THSD4: variants seen among roughly 807,000 people sequenced by gnomAD.
THSD4 encodes the protein thrombospondin type-1 domain-containing protein 4.
In THSD4, 69 loss-of-function variants were observed where a neutral mutation model predicts 119.0. The ratio of observed to expected loss-of-function variants is 0.58; its 90% CI spans 0.48 to 0.71. The LOEUF is 0.71. THSD4 is among the 30% of genes least tolerant of loss of function. THSD4 has a pLI of 0.00. For missense variants in THSD4, 1,393 were observed against 1,391.1 expected (o/e 1.00, Z -0.02); for synonymous variants, 524 against 540.4 (o/e 0.97, Z 0.42).
intron 8 of THSD4, among the ~76,000 whole-genome samples, chr15:71,714,612 G>A (rs1284930997): frequency 1.4e-5 from 2 of 145,862 alleles, no homozygotes; most frequent in Admixed American, 6.9e-5. Flanking sequence ...TTGGGAGGCC[G>A]AGTGGGGGTG....
At chr15:71,588,360 A>T (rs917536072) in intron 7 of THSD4, among the ~76,000 whole-genome samples, 1 of 151,318 alleles carries the variant, frequency 6.6e-6, no homozygotes, top group African/African-American at 2.4e-5. Context: ...ACAGCTGAAG[A>T]TTAGGAGGAA....
At chr15:71,181,659 G>C (rs1358579268) in intron 3 of THSD4, among the ~76,000 whole-genome samples, 2 of 152,212 alleles carry the variant, frequency 1.3e-5, no homozygotes, top group Non-Finnish European at 2.9e-5. Context: ...GCCATCCCCA[G>C]CTTTGGCTGA....
At chr15:71,724,396 C>T (rs2141119541) in intron 8 of THSD4, among the ~76,000 whole-genome samples, 1 of 150,976 alleles carries the variant, frequency 6.6e-6, no homozygotes, top group Middle Eastern at 3.4e-3. Context: ...CGCCATTCTC[C>T]TGCCTCAGCC....
intron 1 of THSD4, among the ~76,000 whole-genome samples, chr15:71,105,431 C>A (rs1446151472): frequency 6.6e-6 from 1 of 152,186 alleles, no homozygotes. Flanking sequence ...AATTTCCTCC[C>A]ATCCCATTCC....
chr15:71,249,243 CAA>C (rs1363895971), intron 5 of THSD4, among the ~76,000 whole-genome samples: 2 of 151,958 alleles, frequency 1.3e-5, no homozygotes, highest in African/African-American at 2.4e-5. Context: ...TATATACACA[CAA>C]ATATATACAC....
chr15:71,489,019 G>A (rs181876672), intron 7 of THSD4, among the ~76,000 whole-genome samples: 13 of 152,198 alleles, frequency 8.5e-5, no homozygotes, highest in East Asian at 5.8e-4. Flanking sequence ...AGAGGGTCCC[G>A]CCAGTCCCTT....
chr15:71,679,237 TA>T (rs1328971521), intron 8 of THSD4, among the ~76,000 whole-genome samples: 1 of 152,186 alleles, frequency 6.6e-6, no homozygotes, highest in Non-Finnish European at 1.5e-5. Context: ...AAATTAACTC[TA>T]ATAGGATAAT....
chr15:71,510,035 G>A (rs1472895738), intron 7 of THSD4, among the ~76,000 whole-genome samples: 1 of 152,182 alleles, frequency 6.6e-6, no homozygotes, highest in Non-Finnish European at 1.5e-5. Context: ...AGCTTTTCAT[G>A]CTGGAACGAA....
chr15:71,396,001 T>C (rs2046449780), intron 6 of THSD4, among the ~76,000 whole-genome samples: 1 of 150,254 alleles, frequency 6.7e-6, no homozygotes, highest in Non-Finnish European at 1.5e-5. Context: ...GCGTCGGGAT[T>C]CGCTGAGTGG....
intron 7 of THSD4, among the ~76,000 whole-genome samples, chr15:71,438,006 T>C (rs1042125420): frequency 2.6e-5 from 4 of 152,230 alleles, no homozygotes; most frequent in African/African-American, 7.2e-5. Context: ...TAGGATGAAG[T>C]GAGTGCAGTG....
Position 71,687,773 on chromosome 15 carries a change from C to A in THSD4, c.1357+27039C>A, listed in dbSNP as rs28687107. Reference sequence around the variant, plus strand: ...TCTGTCTCAAAAAAAAAAAAAAAAACAAACCAGCACCTCAGAAATTCATCT... The same window carrying A: ...TCTGTCTCAAAAAAAAAAAAAAAAAAAAACCAGCACCTCAGAAATTCATCT... On this transcript the variant is annotated intron_variant, in intron 8 of 17. Transcript: ENST00000261862. Among the ~76,000 whole-genome samples, 147 of 144,474 alleles carry A rather than the reference C, an allele frequency of 1.0e-3. 4 individuals are homozygous for A. Among genetic ancestry groups the A allele is most frequent in the Middle Eastern group, 7.4e-3 (2 of 272 alleles). 94.8% of individuals were successfully genotyped at this position (144,474 alleles called of 152,430 possible). A position where few individuals can be genotyped will look rare whatever the true frequency, so the allele number is the denominator to read the frequency against.
intron 7 of THSD4, among the ~76,000 whole-genome samples, chr15:71,589,481 A>G (rs2049754948): frequency 7.2e-6 from 1 of 138,108 alleles, no homozygotes; most frequent in Non-Finnish European, 1.6e-5. Flanking sequence ...TCAGCCTTCC[A>G]AGTAGCTGGA....
At chr15:71,473,818 TGGAA>T (rs2047618824) in intron 7 of THSD4, among the ~76,000 whole-genome samples, 1 of 152,184 alleles carries the variant, frequency 6.6e-6, no homozygotes, top group Admixed American at 6.5e-5. Context: ...CCACCATCAG[TGGAA>T]GGTTCTCACC....
At chr15:71,209,610 G>A (rs566062321) in intron 3 of THSD4, among the ~76,000 whole-genome samples, 5 of 152,178 alleles carry the variant, frequency 3.3e-5, no homozygotes, top group South Asian at 4.2e-4. Context: ...CCAACATGTC[G>A]TTTTCCATAA....
At chr15:71,719,156 C>A (rs149212383) in intron 8 of THSD4, among the ~76,000 whole-genome samples, 1,704 of 152,306 alleles carry the variant, frequency 0.011, 41 homozygotes, top group African/African-American at 0.039. Context: ...ATTAGACATA[C>A]TTTGCTATAA....
intron 6 of THSD4, among the ~76,000 whole-genome samples, chr15:71,380,753 CAT>C (rs1311786158): frequency 2.0e-5 from 3 of 152,116 alleles, no homozygotes; most frequent in African/African-American, 7.2e-5. Context: ...CAACACATGT[CAT>C]AGCAATCTGG....
intron 6 of THSD4, among the ~76,000 whole-genome samples, chr15:71,346,321 T>C (rs1376913745): frequency 6.6e-6 from 1 of 152,234 alleles, no homozygotes; most frequent in East Asian, 1.9e-4. Context: ...GTATTCTTAT[T>C]GTATCCTGTT....
chr15:71,642,064 G>A (rs909297631), intron 7 of THSD4, among the ~76,000 whole-genome samples: 20 of 152,226 alleles, frequency 1.3e-4, no homozygotes, highest in Non-Finnish European at 2.8e-4. Context: ...TACACAGAGA[G>A]AAGAGGATTT....
chr15:71,484,527 G>C (rs1289391588), intron 7 of THSD4, among the ~76,000 whole-genome samples: 1 of 152,188 alleles, frequency 6.6e-6, no homozygotes, highest in African/African-American at 2.4e-5. Context: ...GCTGTCAAAG[G>C]TAGCGTTATC....
Sources: allele counts gnomAD v4.1 joint callset (sites outside exome capture counted in the v4.1 genomes callset), GRCh38; gene constraint gnomAD v4.1.1; transcripts MANE v1.5; gene names NCBI Gene and HGNC (gene_info 2026-07-23, HGNC 2026-07-21).